The following GRIA4 variants were observed in gnomAD, a reference collection of about 807,000 sequenced individuals.
GRIA4 encodes glutamate ionotropic receptor AMPA type subunit 4.
Under a neutral mutation model 104.0 loss-of-function variants are expected in GRIA4, and 34 were observed. The observed-to-expected ratio is 0.33, with a 90% CI of 0.25 to 0.44. The LOEUF (loss-of-function observed/expected upper bound fraction) is 0.44. Among genes scored for constraint, GRIA4 ranks in the 20% least tolerant of loss-of-function variants. GRIA4 has a pLI of 1.00. For synonymous variants in GRIA4, 386 were observed against 381.9 expected (o/e 1.01, Z -0.13); for missense variants, 750 against 1,096.5 (o/e 0.68, Z 4.46).
intron 4 of GRIA4, among the ~76,000 whole-genome samples, chr11:105,774,759 T>C (rs532335914): frequency 6.6e-6 from 1 of 152,320 alleles, no homozygotes; most frequent in Admixed American, 6.5e-5. Context: ...TCAGGTCAGT[T>C]TGAAACTTTT....
At chr11:105,688,943 G>T (rs754512954) in intron 3 of GRIA4, among the ~76,000 whole-genome samples, 1 of 151,998 alleles carries the variant, frequency 6.6e-6, no homozygotes. Flanking sequence ...AGACATATAA[G>T]TTGACACCTA....
At chr11:105,655,370 G>T (rs1951812681) in intron 3 of GRIA4, among the ~76,000 whole-genome samples, 1 of 151,938 alleles carries the variant, frequency 6.6e-6, no homozygotes, top group African/African-American at 2.4e-5. Flanking sequence ...TTAAGTAATG[G>T]GATACATGTG....
rs1402773078 is a variant in GRIA4 at position 105,971,998 on chromosome 11, T to C, written c.2379T>C (p.Gly793=). The change falls in exon 15 of 17, where the codon GGT becomes GGC. Residue 793 remains glycine, a synonymous_variant. Coordinates refer to ENST00000282499, the MANE Select transcript of GRIA4 (RefSeq NM_000829.4). ...AAAACAAATGGTGGTACGATAAAGG[T>C]GAATGTGGACCCAAGGACTCTGGAA... The part of the protein sequence containing the change: ...KLKNKWWYDK[G]ECGPKDSGSK... 1 of 1,612,608 alleles carries C rather than the reference T, an allele frequency of 6.2e-7. No individual in the cohort carries two copies. The highest frequency in any genetic ancestry group is 2.2e-5 in the East Asian group (1 of 44,844).
chr11:105,868,221 G>A (rs1278996717), intron 5 of GRIA4, among the ~76,000 whole-genome samples: 2 of 152,090 alleles, frequency 1.3e-5, no homozygotes, highest in Non-Finnish European at 2.9e-5. Flanking sequence ...AGAGAAAAGG[G>A]GTAAGGGTAT....
chr11:105,911,797 T>TC, intron 10 of GRIA4: 1 of 208,788 alleles, frequency 4.8e-6, no homozygotes, highest in Non-Finnish European at 9.3e-6. Flanking sequence ...TATATATATA[T>TC]ATATATATAT....
chr11:105,860,515 G>C (rs140940109), intron 4 of GRIA4, among the ~76,000 whole-genome samples: 113 of 152,290 alleles, frequency 7.4e-4, no homozygotes, highest in African/African-American at 2.6e-3. Context: ...GTTAGACTTT[G>C]TTAAAGAGGA....
intron 6 of GRIA4, among the ~76,000 whole-genome samples, chr11:105,890,944 C>T (rs138369941): frequency 1.3e-5 from 2 of 152,202 alleles, no homozygotes; most frequent in African/African-American, 2.4e-5. Context: ...TTATTAAACC[C>T]ATCATCTAGA....
At chr11:105,921,227 C>G (rs1947549178) in intron 11 of GRIA4, among the ~76,000 whole-genome samples, 1 of 151,980 alleles carries the variant, frequency 6.6e-6, no homozygotes, top group Admixed American at 6.6e-5. Context: ...GCTACCATGC[C>G]TGTGCACTAA....
At position 105,926,924 on chromosome 11, in the gene GRIA4, A is replaced by C; in HGVS notation, c.2031A>C (p.Thr677=). ...ATGGAACACTGGATTCAGGATCAACAAAAGAATTCTTCAGAGTAAGTTAAG... is the reference window on the plus strand; with the variant it reads ...ATGGAACACTGGATTCAGGATCAACCAAAGAATTCTTCAGAGTAAGTTAAG... ...IAYGTLDSGS[T]KEFFRRSKIA... The change falls in exon 13 of 17, where the codon ACA becomes ACC. Residue 677 remains threonine, a synonymous_variant. Transcript: ENST00000282499. 2 of 1,608,022 alleles carry C rather than the reference A, an allele frequency of 1.2e-6. No individual in the cohort carries two copies. The highest frequency in any genetic ancestry group is 1.1e-5 in the South Asian group (1 of 90,942).
intron 7 of GRIA4, among the ~76,000 whole-genome samples, chr11:105,903,416 C>T (rs907018469): frequency 1.3e-5 from 2 of 152,080 alleles, no homozygotes; most frequent in Non-Finnish European, 2.9e-5. Flanking sequence ...ATTAAGAGGC[C>T]CAGCCCTCCT....
intron 4 of GRIA4, among the ~76,000 whole-genome samples, chr11:105,776,713 A>T (rs947913095): frequency 3.9e-5 from 6 of 152,120 alleles, no homozygotes; most frequent in Middle Eastern, 3.2e-3. Context: ...AGTCCCAAAG[A>T]TTACTGCATT....
rs570436411 is a variant in GRIA4, at chr11:105,632,228, C to T, written c.247+19794C>T. Among the ~76,000 whole-genome samples the T allele has an allele frequency of 1.2e-4, 18 of 152,050 alleles. No individual in the cohort carries two copies. The South Asian group carries it at 3.7e-3, about 32-fold the overall frequency. ...TGAAATGGACTGAATTAAAGTCTTACTCCTCTCTCATCTCTTATAATTTCT... is the reference window on the plus strand; with the variant it reads ...TGAAATGGACTGAATTAAAGTCTTATTCCTCTCTCATCTCTTATAATTTCT... On this transcript the variant is annotated intron_variant, in intron 3 of 16. Coordinates refer to ENST00000282499, the MANE Select transcript of GRIA4 (RefSeq NM_000829.4).
chr11:105,851,546 G>A (rs913536394), intron 4 of GRIA4, among the ~76,000 whole-genome samples: 15 of 152,136 alleles, frequency 9.9e-5, no homozygotes, highest in African/African-American at 3.6e-4. Context: ...GGCCAGAGAA[G>A]GCTTCTGAAA....
At chr11:105,636,712 G>A (rs146629556) in intron 3 of GRIA4, among the ~76,000 whole-genome samples, 28 of 152,282 alleles carry the variant, frequency 1.8e-4, no homozygotes, top group Non-Finnish European at 3.4e-4. Context: ...GGAAAAAAAG[G>A]ATGCTTATTT....
intron 3 of GRIA4, among the ~76,000 whole-genome samples, chr11:105,657,647 C>T (rs948508212): frequency 1.3e-5 from 2 of 151,818 alleles, no homozygotes; most frequent in Admixed American, 6.6e-5. Context: ...AAGTATCTTT[C>T]CCAATCCCTT....
intron 3 of GRIA4, among the ~76,000 whole-genome samples, chr11:105,701,259 T>C (rs1953479638): frequency 6.6e-6 from 1 of 152,206 alleles, no homozygotes; most frequent in South Asian, 2.1e-4. Flanking sequence ...TACAAATATA[T>C]CTTCTGTGCT....
At chr11:105,795,417 A>T (rs555044885) in intron 4 of GRIA4, among the ~76,000 whole-genome samples, 2 of 152,246 alleles carry the variant, frequency 1.3e-5, no homozygotes, top group South Asian at 4.1e-4. Context: ...CCCCCTGAAA[A>T]ACTTGTAGGA....
rs1039945504 is a variant in GRIA4, at chr11:105,736,360, A to G, written c.248-16621A>G. On this transcript the variant is annotated intron_variant, in intron 3 of 16. Coordinates refer to ENST00000282499, the MANE Select transcript of GRIA4 (RefSeq NM_000829.4). ...GATATGAGAGCCATATTGAAAGAAT[A>G]GTCATTCTCTCTCTCTCTAAAAATA... Among the ~76,000 whole-genome samples the G allele has an allele frequency of 3.3e-5, 5 of 152,298 alleles. No individual in the cohort carries two copies. The East Asian group carries it at 9.6e-4, about 29-fold the overall frequency.
At chr11:105,928,562 G>A (rs1036687029) in intron 13 of GRIA4, among the ~76,000 whole-genome samples, 1 of 151,958 alleles carries the variant, frequency 6.6e-6, no homozygotes, top group African/African-American at 2.4e-5. Flanking sequence ...AAGTAAGCAC[G>A]TAAAATTTAA....
Sources: gnomAD v4.1 joint callset for allele counts (sites outside exome capture counted in the v4.1 genomes callset) on GRCh38, gnomAD v4.1.1 for gene constraint, MANE v1.5 for transcripts, NCBI Gene and HGNC (gene_info 2026-07-23, HGNC 2026-07-21) for gene names.